NEDD4L: variants seen among roughly 807,000 people sequenced by gnomAD.
NEDD4L encodes E3 ubiquitin-protein ligase NEDD4-like.
In NEDD4L, 54 loss-of-function variants were observed where a neutral mutation model predicts 148.9. The observed-to-expected ratio is 0.36, with a 90% CI of 0.29 to 0.45. NEDD4L has a LOEUF of 0.45. Among genes scored for constraint, NEDD4L ranks in the 20% least tolerant of loss-of-function variants. NEDD4L has a pLI of 1.00. For synonymous variants in NEDD4L, 433 were observed against 440.7 expected, an observed-to-expected ratio of 0.98 and a Z score of 0.22; for missense variants, 856 against 1,233.8, an observed-to-expected ratio of 0.69 and a Z score of 4.59.
At chr18:58,377,069 G>A (rs538223270) in intron 24 of NEDD4L, among the ~76,000 whole-genome samples, 4 of 152,332 alleles carry the variant, frequency 2.6e-5, no homozygotes, top group Non-Finnish European at 4.4e-5. Flanking sequence ...TTTAGTGCCT[G>A]TCTCTCCTGC....
chr18:58,183,552 C>T (rs559045188), intron 2 of NEDD4L, among the ~76,000 whole-genome samples: 1 of 152,356 alleles, frequency 6.6e-6, no homozygotes, highest in East Asian at 1.9e-4. Context: ...TCTGAGCCAG[C>T]TGCTCACCTG....
At chr18:58,375,910 G>A (rs1290984672) in intron 24 of NEDD4L, among the ~76,000 whole-genome samples, 2 of 152,114 alleles carry the variant, frequency 1.3e-5, no homozygotes, top group Non-Finnish European at 2.9e-5. Context: ...GTCTTAAACT[G>A]CCAATTTTCA....
At chr18:58,044,938 G>A (rs1370748667) in intron 1 of NEDD4L, 12 of 468,450 alleles carry the variant, frequency 2.6e-5, no homozygotes, top group Admixed American at 8.2e-5. Flanking sequence ...GACGCCCTTG[G>A]AGCTGGGGGT....
intron 23 of NEDD4L, chr18:58,371,791 G>T (rs991767247): frequency 1.3e-5 from 2 of 152,258 alleles, no homozygotes; most frequent in Non-Finnish European, 2.9e-5. Context: ...CCCTGTGTTT[G>T]TGCTTTCTGC....
intron 20 of NEDD4L, among the ~76,000 whole-genome samples, chr18:58,365,198 G>A (rs535161185): frequency 4.6e-5 from 7 of 152,282 alleles, no homozygotes; most frequent in East Asian, 1.9e-4. Flanking sequence ...AAGAGCTTGC[G>A]GGTAACTGCT....
At chr18:58,106,186 G>C (rs1260858173) in intron 1 of NEDD4L, among the ~76,000 whole-genome samples, 6 of 152,126 alleles carry the variant, frequency 3.9e-5, no homozygotes, top group Admixed American at 2.6e-4. Context: ...CAGGATCCTG[G>C]GACACTGCCC....
chr18:58,219,277 A>G (rs2043478109), intron 2 of NEDD4L, among the ~76,000 whole-genome samples: 2 of 152,208 alleles, frequency 1.3e-5, no homozygotes, highest in Admixed American at 1.3e-4. Flanking sequence ...CCCTTCCAGA[A>G]TGAGGCTTTT....
At chr18:58,126,986 TG>T (rs1401369592) in intron 1 of NEDD4L, among the ~76,000 whole-genome samples, 1 of 152,230 alleles carries the variant, frequency 6.6e-6, no homozygotes, top group Non-Finnish European at 1.5e-5. Flanking sequence ...ATTCTCTCTC[TG>T]GGTTTCTGTC....
Position 58,396,409 on chromosome 18 carries a change from C to G in NEDD4L, c.*140C>G, listed in dbSNP as rs1041564177. 3.4e-6 allele frequency: 2 copies of G among 580,428 alleles called. No homozygotes were observed. The highest frequency in any genetic ancestry group is 6.2e-6 in the Non-Finnish European group (2 of 320,894). The allele number at this position is 580,428 out of a possible 1,614,324, so 36.0% of individuals were successfully genotyped here. A position where few individuals can be genotyped will look rare whatever the true frequency, so the allele number is the denominator to read the frequency against. On this transcript the variant is annotated 3_prime_UTR_variant, in exon 31 of 31. Transcript: ENST00000400345. ...TGGAGCCGAGCCTTCACCACGCACT[C>G]GTCCAAGTTCGGATGCGGGAACCTG...
chr18:58,204,265 T>C (rs1487127381), intron 2 of NEDD4L, among the ~76,000 whole-genome samples: 1 of 151,910 alleles, frequency 6.6e-6, no homozygotes, highest in Non-Finnish European at 1.5e-5. Context: ...GAAGCGGAGG[T>C]TGCAGTCAGC....
rs1214585148 is a variant in NEDD4L at position 58,370,408 on chromosome 18, A to C, written c.2197A>C (p.Arg733=). ...HGKLLDGFFI[R]PFYKMMLGKQ... is the part of the protein sequence containing the mutation. ...TTACCGTGTTTTAGGTTTCTTCATT[A>C]GACCATTTTACAAGATGATGTTGGG... Residue 733 remains arginine, a synonymous_variant, in exon 23 of 31, where the codon AGA becomes CGA. Coordinates refer to ENST00000400345, the MANE Select transcript of NEDD4L (RefSeq NM_001144967.3). 6.2e-6 allele frequency: 10 copies of C among 1,609,600 alleles called. No individual in the cohort carries two copies. The highest frequency in any genetic ancestry group is 8.5e-7 in the Non-Finnish European group (1 of 1,175,976).
intron 2 of NEDD4L, among the ~76,000 whole-genome samples, chr18:58,203,257 G>T (rs534973367): frequency 6.6e-6 from 1 of 152,088 alleles, no homozygotes; most frequent in Non-Finnish European, 1.5e-5. Flanking sequence ...GTAAGCCGCC[G>T]CACCTGGCCC....
chr18:58,191,328 T>C (rs1483725498), intron 2 of NEDD4L, among the ~76,000 whole-genome samples: 1 of 152,156 alleles, frequency 6.6e-6, no homozygotes, highest in Non-Finnish European at 1.5e-5. Context: ...TTGACATGCT[T>C]TATTGCTGAT....
chr18:58,135,636 C>T (rs563413758), intron 1 of NEDD4L, among the ~76,000 whole-genome samples: 1 of 152,248 alleles, frequency 6.6e-6, no homozygotes, highest in South Asian at 2.1e-4. Context: ...TGGCCACAGC[C>T]GACTTCTTTC....
At chr18:58,137,993 GCCCA>G (rs2033044191) in intron 1 of NEDD4L, among the ~76,000 whole-genome samples, 1 of 152,134 alleles carries the variant, frequency 6.6e-6, no homozygotes, top group Non-Finnish European at 1.5e-5. Context: ...AGGAAGTCTG[GCCCA>G]GAGCCGTCCA....
chr18:58,329,658 A>ATTT (rs1034872422), intron 10 of NEDD4L, among the ~76,000 whole-genome samples: 2 of 135,574 alleles, frequency 1.5e-5, no homozygotes. Context: ...ACAATGGCTA[A>ATTT]TTTTTTTTTT....
intron 2 of NEDD4L, among the ~76,000 whole-genome samples, chr18:58,207,995 G>C (rs1479065628): frequency 1.3e-5 from 2 of 152,000 alleles, no homozygotes; most frequent in East Asian, 3.9e-4. Context: ...GTGAGCCAAG[G>C]TCATGCCACT....
chr18:58,145,701 G>T (rs2034029572), intron 1 of NEDD4L, among the ~76,000 whole-genome samples: 2 of 151,560 alleles, frequency 1.3e-5, no homozygotes, highest in Non-Finnish European at 2.9e-5. Context: ...GTCTTTCTGT[G>T]GGTTTTTAGA....
chr18:58,198,944 A>C (rs2041068228), intron 2 of NEDD4L, among the ~76,000 whole-genome samples: 1 of 152,126 alleles, frequency 6.6e-6, no homozygotes. Flanking sequence ...AGCTGGGATT[A>C]CAGGTGCTAG....
Sources: allele counts gnomAD v4.1 joint callset (sites outside exome capture counted in the v4.1 genomes callset), GRCh38; gene constraint gnomAD v4.1.1; transcripts MANE v1.5; gene names NCBI Gene and HGNC (gene_info 2026-07-23, HGNC 2026-07-21).